Variants in CLCN5 observed in about 807,000 individuals in gnomAD.
CLCN5 encodes the protein Cl-/H+ antiporter 5, also known as H(+)/Cl(-) exchange transporter 5.
CLCN5 carries 17 observed loss-of-function variants against 54.0 expected under a neutral mutation model. The ratio of observed to expected loss-of-function variants is 0.31; its 90% CI spans 0.22 to 0.47. The LOEUF is 0.47. CLCN5 is among the 20% of genes least tolerant of loss of function. The pLI is 1.00. For synonymous variants in CLCN5, 222 were observed against 233.0 expected (o/e 0.95, Z 0.43); for missense variants, 448 against 646.7 (o/e 0.69, Z 3.33).
chrX:50,009,778 C>T (rs367629841), intron 3 of CLCN5: 14 of 384,888 alleles, frequency 3.6e-5, no homozygotes, highest in Non-Finnish European at 5.7e-5. Context: ...ATGCAATGCA[C>T]CCGGGCAAGG....
chrX:50,063,550 A>G (rs1268919302), intron 4 of CLCN5, among the ~76,000 whole-genome samples: 2 of 107,185 alleles, frequency 1.9e-5, no homozygotes, highest in African/African-American at 3.7e-5. Flanking sequence ...CCAGGACCAG[A>G]TGGATTCACA....
chrX:49,977,650 A>T (rs1302067683), intron 3 of CLCN5, among the ~76,000 whole-genome samples: 3 of 111,829 alleles, frequency 2.7e-5, no homozygotes, highest in African/African-American at 9.7e-5. Context: ...TATGAGGACC[A>T]TAAGGGGACT....
At chrX:50,042,836 C>T (rs1557187376) in intron 4 of CLCN5, among the ~76,000 whole-genome samples, 1 of 111,944 alleles carries the variant, frequency 8.9e-6, no homozygotes, top group Non-Finnish European at 1.9e-5. Context: ...ATTTCTTCTT[C>T]TTGCTGAGTA....
intron 9 of CLCN5, among the ~76,000 whole-genome samples, chrX:50,083,890 C>T (rs1357665968): frequency 8.9e-6 from 1 of 111,917 alleles, no homozygotes; most frequent in Non-Finnish European, 1.9e-5. Context: ...TTTGAAACTA[C>T]AGATTGCTGG....
At chrX:50,033,498 A>C (rs983935274) in intron 3 of CLCN5, among the ~76,000 whole-genome samples, 26 of 111,433 alleles carry the variant, frequency 2.3e-4, no homozygotes, top group Non-Finnish European at 4.1e-4. Context: ...ACTACAAACC[A>C]CTGCTCAATG....
At chrX:50,039,348 A>G (rs1932123039) in intron 3 of CLCN5, among the ~76,000 whole-genome samples, 3 of 111,834 alleles carry the variant, frequency 2.7e-5, no homozygotes, top group South Asian at 3.8e-4. Context: ...GTTTATATGC[A>G]TAGTATACTT....
At chrX:49,947,365 T>TC (rs1557172315) in intron 3 of CLCN5, among the ~76,000 whole-genome samples, 1 of 110,726 alleles carries the variant, frequency 9.0e-6, no homozygotes, top group Admixed American at 9.6e-5. Context: ...CTATCAGATA[T>TC]CCACCTAGAG....
intron 4 of CLCN5, among the ~76,000 whole-genome samples, chrX:50,065,713 G>A (rs1391627880): frequency 6.6e-5 from 7 of 106,022 alleles, no homozygotes; most frequent in African/African-American, 1.0e-4. Context: ...ACATGCACAC[G>A]TATGTTCATT....
At chrX:50,036,074 G>A (rs1329894024) in intron 3 of CLCN5, among the ~76,000 whole-genome samples, 2 of 111,939 alleles carry the variant, frequency 1.8e-5, no homozygotes, top group Admixed American at 9.5e-5. Context: ...CTGACATGTC[G>A]TTGTGAAGCC....
intron 3 of CLCN5, among the ~76,000 whole-genome samples, chrX:49,929,395 A>G (rs189404841): frequency 8.9e-6 from 1 of 112,013 alleles, no homozygotes; most frequent in African/African-American, 3.2e-5. Flanking sequence ...TTGTGTTGTC[A>G]GGTGTTGTTT....
rs572659172 is a variant in CLCN5 at position 49,973,659 on chromosome X, C to CT, written c.16+48357dup. Among the ~76,000 whole-genome samples the CT allele has an allele frequency of 6.4e-3, 671 of 104,645 alleles. 1 individual carries two copies. The highest frequency in any genetic ancestry group is 0.026 in the South Asian group (62 of 2,393). 90.9% of individuals were successfully genotyped at this position (104,645 alleles called of 115,157 possible). A position where few individuals can be genotyped will look rare whatever the true frequency, so the allele number is the denominator to read the frequency against. ...CCCTGACCTATGATGGCTCAACTTACTTTTTTTTTTTTGACTTTATGATGG... is the reference window on the plus strand; with the variant it reads ...CCCTGACCTATGATGGCTCAACTTACTTTTTTTTTTTTTGACTTTATGATGG... On this transcript the variant is annotated intron_variant, in intron 3 of 14. Transcript: ENST00000376091.
chrX:50,033,938 C>T (rs192104066), intron 3 of CLCN5, among the ~76,000 whole-genome samples: 2 of 111,495 alleles, frequency 1.8e-5, no homozygotes, highest in East Asian at 5.6e-4. Context: ...ATAACCCCTA[C>T]TCGTCTGTAG....
At chrX:49,941,849 G>A (rs1184675685) in intron 3 of CLCN5, among the ~76,000 whole-genome samples, 1 of 106,283 alleles carries the variant, frequency 9.4e-6, no homozygotes, top group East Asian at 2.9e-4. Context: ...TCTACCACCT[G>A]CCCTATTATG....
rs1393095084 is a variant in CLCN5, at chrX:50,097,587, C to G, written c.*5368C>G. ...AAAAAAAGATCTCTGCCTCTCTTCT[C>G]TCTGCCTCGTCCCACCTTGCTGTCT... On this transcript the variant is annotated 3_prime_UTR_variant, in exon 15 of 15. Coordinates refer to ENST00000376091, the MANE Select transcript of CLCN5 (RefSeq NM_001127898.4). 9.0e-6 allele frequency: 1 copy of G among 111,577 alleles called. No homozygotes were observed. Among genetic ancestry groups the G allele is most frequent in the African/African-American group, 3.3e-5 (1 of 30,660 alleles). The allele number at this position is 111,577 out of a possible 1,213,427, so 9.2% of individuals were successfully genotyped here. A position where few individuals can be genotyped will look rare whatever the true frequency, so the allele number is the denominator to read the frequency against.
intron 10 of CLCN5, 44 bp from the exon 11 acceptor site, chrX:50,086,284 T>C (rs781793353): frequency 8.7e-7 from 1 of 1,145,355 alleles, no homozygotes; most frequent in East Asian, 3.0e-5. Context: ...TGAAATAGTT[T>C]CTGCGTATTG....
chrX:50,057,973 G>C (rs1294923329), intron 4 of CLCN5, among the ~76,000 whole-genome samples: 1 of 110,955 alleles, frequency 9.0e-6, no homozygotes, highest in African/African-American at 3.3e-5. Context: ...GTAAGAAGTG[G>C]CATATAATAG....
chrX:50,026,534 A>G (rs1346427524), intron 3 of CLCN5, among the ~76,000 whole-genome samples: 1 of 111,473 alleles, frequency 9.0e-6, no homozygotes, highest in Non-Finnish European at 1.9e-5. Flanking sequence ...TTTTTGCCTC[A>G]TATGTTGACG....
At position 50,093,435 on chromosome X, in the gene CLCN5, C is replaced by A; in HGVS notation, c.*1216C>A. The A allele has an allele frequency of 1.8e-5, 2 of 111,850 alleles. No individual in the cohort carries two copies. Among genetic ancestry groups the A allele is most frequent in the Non-Finnish European group, 3.8e-5 (2 of 53,071 alleles). 9.2% of individuals were successfully genotyped at this position (111,850 alleles called of 1,213,427 possible). A position where few individuals can be genotyped will look rare whatever the true frequency, so the allele number is the denominator to read the frequency against. ...AGGCAGCTGTGACTCCCTCAAGAGT[C>A]CTTAGAATTCTAAATAAAATGCAGA... On this transcript the variant is annotated 3_prime_UTR_variant, in exon 15 of 15. Coordinates refer to ENST00000376091, the MANE Select transcript of CLCN5 (RefSeq NM_001127898.4).
At chrX:49,952,499 G>GTT (rs11324611) in intron 3 of CLCN5, among the ~76,000 whole-genome samples, 22 of 105,858 alleles carry the variant, frequency 2.1e-4, no homozygotes, top group East Asian at 1.2e-3. Context: ...TTCCAGGTGG[G>GTT]TTTTTTTTTT....
Sources: gnomAD v4.1 joint callset for allele counts (sites outside exome capture counted in the v4.1 genomes callset) on GRCh38, gnomAD v4.1.1 for gene constraint, MANE v1.5 for transcripts, NCBI Gene and HGNC (gene_info 2026-07-23, HGNC 2026-07-21) for gene names.